The following WDR70 variants were observed in gnomAD, a reference collection of about 807,000 sequenced individuals.
WDR70 encodes WD repeat domain 70, also known as WD repeat-containing protein 70.
A neutral mutation model predicts 88.6 loss-of-function variants in WDR70; 53 were observed. The observed-to-expected ratio is 0.60, with a 90% CI of 0.48 to 0.75. The LOEUF is 0.75. Among genes scored for constraint, WDR70 ranks in the 30% least tolerant of loss-of-function variants. The pLI is 0.00. For missense variants in WDR70, 610 were observed against 823.2 expected, an observed-to-expected ratio of 0.74 and a Z score of 3.17; for synonymous variants, 280 against 270.0, an observed-to-expected ratio of 1.04 and a Z score of -0.36.
Position 37,531,587 on chromosome 5 carries a change from C to CT in WDR70, c.917+15017dup, listed in dbSNP as rs149831770. ...AAGCTGCTGTTGCTTTAAAGTTTTT[C>CT]TTTTTTTTTTTTTTTTTTTTGTCTG... On this transcript the variant is annotated intron_variant, in intron 9 of 17. Coordinates refer to ENST00000265107, the MANE Select transcript of WDR70 (RefSeq NM_018034.4). Among the ~76,000 whole-genome samples the CT allele has an allele frequency of 2.1e-3, 165 of 77,730 alleles. 2 individuals are homozygous for CT. The highest frequency in any genetic ancestry group is 8.8e-3 in the South Asian group (16 of 1,808). 51.0% of individuals were successfully genotyped at this position (77,730 alleles called of 152,430 possible).
intron 9 of WDR70, among the ~76,000 whole-genome samples, chr5:37,540,066 T>C (rs1169095512): frequency 1.3e-5 from 2 of 152,244 alleles, no homozygotes; most frequent in African/African-American, 4.8e-5. Flanking sequence ...GTTATCAGAA[T>C]TTAGAATGAT....
chr5:37,418,412 C>T (rs1334641820), intron 5 of WDR70, among the ~76,000 whole-genome samples: 4 of 151,980 alleles, frequency 2.6e-5, no homozygotes, highest in Admixed American at 6.5e-5. Flanking sequence ...CTCCGCCTCC[C>T]GGGTTCATGC....
At chr5:37,574,013 G>A (rs901114880) in intron 9 of WDR70, among the ~76,000 whole-genome samples, 12 of 152,140 alleles carry the variant, frequency 7.9e-5, no homozygotes, top group African/African-American at 1.4e-4. Context: ...GGGATTGACC[G>A]TGAAAGATAC....
chr5:37,565,167 G>C (rs939041552), intron 9 of WDR70, among the ~76,000 whole-genome samples: 11 of 152,064 alleles, frequency 7.2e-5, no homozygotes, highest in East Asian at 3.9e-4. Flanking sequence ...TATAAGGTGG[G>C]AATAAGAAGG....
chr5:37,645,502 T>C (rs1745208504), intron 10 of WDR70, among the ~76,000 whole-genome samples: 1 of 152,138 alleles, frequency 6.6e-6, no homozygotes, highest in Non-Finnish European at 1.5e-5. Flanking sequence ...TGGTCTATAG[T>C]GCAGATTAAG....
chr5:37,487,363 T>C (rs62358989), intron 8 of WDR70, among the ~76,000 whole-genome samples: 12,582 of 151,822 alleles, frequency 0.083, 575 homozygotes, highest in East Asian at 0.11. Context: ...GATACTGTTA[T>C]AAAATGTTTT....
intron 7 of WDR70, among the ~76,000 whole-genome samples, chr5:37,453,405 A>G (rs1187279136): frequency 6.6e-6 from 1 of 152,254 alleles, no homozygotes; most frequent in Non-Finnish European, 1.5e-5. Context: ...ATGGGCTGAA[A>G]TAAAGGGATG....
intron 5 of WDR70, among the ~76,000 whole-genome samples, chr5:37,424,168 A>G (rs1182597589): frequency 6.7e-6 from 1 of 150,224 alleles, no homozygotes; most frequent in African/African-American, 2.4e-5. Flanking sequence ...AAAAAAAAAA[A>G]AAAACAAAGA....
chr5:37,684,331 C>T (rs1298355884), intron 10 of WDR70, among the ~76,000 whole-genome samples: 1 of 152,162 alleles, frequency 6.6e-6, no homozygotes, highest in Non-Finnish European at 1.5e-5. Flanking sequence ...AGAATCCTTG[C>T]TGGAAAGATA....
chr5:37,478,467 T>G (rs1739554680), intron 7 of WDR70, among the ~76,000 whole-genome samples: 1 of 152,212 alleles, frequency 6.6e-6, no homozygotes, highest in Non-Finnish European at 1.5e-5. Flanking sequence ...CTCTCCCAGG[T>G]CAGGTTTCCC....
At chr5:37,651,870 A>G (rs988137036) in intron 10 of WDR70, among the ~76,000 whole-genome samples, 1 of 152,094 alleles carries the variant, frequency 6.6e-6, no homozygotes, top group African/African-American at 2.4e-5. Context: ...CCTTTGTCAG[A>G]TGGATAGATT....
intron 9 of WDR70, among the ~76,000 whole-genome samples, chr5:37,533,233 G>T (rs1048185205): frequency 6.6e-6 from 1 of 152,180 alleles, no homozygotes; most frequent in Non-Finnish European, 1.5e-5. Flanking sequence ...ATTTTGTGTT[G>T]GTTGGCCTCC....
At chr5:37,664,404 G>A (rs1745782464) in intron 10 of WDR70, among the ~76,000 whole-genome samples, 1 of 152,132 alleles carries the variant, frequency 6.6e-6, no homozygotes, top group Non-Finnish European at 1.5e-5. Context: ...CCAAAAGTAA[G>A]GTGCTATTTC....
At chr5:37,480,963 C>A (rs1401284137) in intron 8 of WDR70, among the ~76,000 whole-genome samples, 1 of 152,182 alleles carries the variant, frequency 6.6e-6, no homozygotes, top group African/African-American at 2.4e-5. Flanking sequence ...GAGAAATTGG[C>A]CAAAGCGAAA....
intron 9 of WDR70, among the ~76,000 whole-genome samples, chr5:37,603,269 C>G (rs1743941230): frequency 6.6e-6 from 1 of 152,084 alleles, no homozygotes; most frequent in South Asian, 2.1e-4. Context: ...CTATTGTAAT[C>G]AACAGACACA....
chr5:37,678,323 G>A (rs1746303103), intron 10 of WDR70, among the ~76,000 whole-genome samples: 2 of 152,114 alleles, frequency 1.3e-5, no homozygotes, highest in Non-Finnish European at 2.9e-5. Flanking sequence ...TTTCTTCCTG[G>A]TCTTGATGGT....
At chr5:37,505,861 C>G in intron 8 of WDR70, 2 of 1,371,974 alleles carry the variant, frequency 1.5e-6, no homozygotes, top group East Asian at 4.6e-5. Context: ...TTCAACTTTG[C>G]ATTTTTTAAG....
intron 7 of WDR70, among the ~76,000 whole-genome samples, chr5:37,451,113 G>A (rs1738665193): frequency 6.6e-6 from 1 of 152,062 alleles, no homozygotes; most frequent in African/African-American, 2.4e-5. Context: ...GGTCAGGCTG[G>A]TCTCGAACTC....
chr5:37,709,491 A>G (rs1449509311), intron 13 of WDR70, among the ~76,000 whole-genome samples: 1 of 152,226 alleles, frequency 6.6e-6, no homozygotes, highest in Admixed American at 6.5e-5. Context: ...TTGCTCACTG[A>G]GAACAGAAAG....
Sources: gnomAD v4.1 joint callset for allele counts (sites outside exome capture counted in the v4.1 genomes callset) on GRCh38, gnomAD v4.1.1 for gene constraint, MANE v1.5 for transcripts, NCBI Gene and HGNC (gene_info 2026-07-23, HGNC 2026-07-21) for gene names.